Variants in UQCRB observed in about 807,000 individuals in gnomAD.
UQCRB encodes the protein cytochrome b-c1 complex subunit 7.
In UQCRB, 12 loss-of-function variants were observed where a neutral mutation model predicts 19.8. That is an observed-to-expected ratio of 0.61 (90% CI 0.39 to 0.98). The LOEUF is 0.98. Among genes scored for constraint, UQCRB ranks in the 50% least tolerant of loss-of-function variants. UQCRB has a pLI of 0.00. For synonymous variants in UQCRB, 39 were observed against 42.9 expected, an observed-to-expected ratio of 0.91 and a Z score of 0.35; for missense variants, 142 against 131.8, an observed-to-expected ratio of 1.08 and a Z score of -0.38.
chr8:96,232,411 T>C (rs1809697695), intron 2 of UQCRB: 3 of 157,280 alleles, frequency 1.9e-5, no homozygotes, highest in African/African-American at 7.2e-5. Context: ...CAAGCTTCAA[T>C]AGTAAAAGAT....
In UQCRB at chr8:96,229,908, G is replaced by A. The variant is rs1250527419; in HGVS notation, c.*1147C>T. ...GTAACACAAATTCGTTTTTCACACTGTTTTGTTATTTGAGGTAAGGCATTC... is the reference window on the plus strand; with the variant it reads ...GTAACACAAATTCGTTTTTCACACTATTTTGTTATTTGAGGTAAGGCATTC... On this transcript the variant is annotated 3_prime_UTR_variant, in exon 4 of 4. Coordinates refer to ENST00000287022, the MANE Select transcript of UQCRB (RefSeq NM_006294.5). 1.3e-5 allele frequency: 5 copies of A among 375,428 alleles called. No homozygotes were observed. The highest frequency in any genetic ancestry group is 3.2e-5 in the South Asian group (2 of 61,758). The allele number at this position is 375,428 out of a possible 1,614,324, so 23.3% of individuals were successfully genotyped here.
At chr8:96,232,136 A>C in intron 2 of UQCRB, 196 bp from the exon 3 acceptor site, 1 of 608,646 alleles carries the variant, frequency 1.6e-6, no homozygotes, top group Non-Finnish European at 2.9e-6. Context: ...TTGCCATTAA[A>C]AGTAATGAGT....
Position 96,230,819 on chromosome 8 carries a change from T to C in UQCRB, c.*236A>G. ...TGAGGAAAACTGATAAAGTGGCTTC[T>C]GAGCTCCAAGTAGCAGTTAAACACA... is the stretch of plus-strand genomic sequence containing the variant. On this transcript the variant is annotated 3_prime_UTR_variant, in exon 4 of 4. Transcript: ENST00000287022. The C allele has an allele frequency of 1.5e-6, 1 of 651,504 alleles. No individual in the cohort carries two copies. Among genetic ancestry groups the C allele is most frequent in the Non-Finnish European group, 2.9e-6 (1 of 348,502 alleles). 40.4% of individuals were successfully genotyped at this position (651,504 alleles called of 1,614,324 possible).
At chr8:96,235,398 C>T (rs879043831) in intron 1 of UQCRB, 114 bp downstream of exon 1, 1 of 1,469,614 alleles carries the variant, frequency 6.8e-7, no homozygotes, top group Non-Finnish European at 9.5e-7. Context: ...CAGCCAATTT[C>T]CCTTCCGCGA....
At chr8:96,235,179 G>A in intron 1 of UQCRB, 1 of 494,634 alleles carries the variant, frequency 2.0e-6, no homozygotes, top group Non-Finnish European at 3.7e-6. Flanking sequence ...CGGGTTGAAA[G>A]TCATCCACTA....
rs1016084734 is a variant in UQCRB, at chr8:96,224,146, G to C, written c.*6909C>G. 1.3e-5 allele frequency among the ~76,000 whole-genome samples: 2 copies of C among 152,206 alleles called. No individual in the cohort carries two copies. Among genetic ancestry groups the C allele is most frequent in the Non-Finnish European group, 2.9e-5 (2 of 68,044 alleles). On this transcript the variant is annotated 3_prime_UTR_variant, in exon 4 of 4. Transcript: ENST00000287022. ...TGTGAGTCAGAGTCCTGGCAGGAAAGTGTGGCACACCCAATCAGGCAAACC... is the reference window on the plus strand; with the variant it reads ...TGTGAGTCAGAGTCCTGGCAGGAAACTGTGGCACACCCAATCAGGCAAACC...
In UQCRB at chr8:96,227,535, G is replaced by C; in HGVS notation, c.*3520C>G. 1 of 454,074 alleles carries C rather than the reference G, an allele frequency of 2.2e-6. No individual in the cohort carries two copies. Among genetic ancestry groups the C allele is most frequent in the South Asian group, 1.6e-5 (1 of 64,474 alleles). The allele number at this position is 454,074 out of a possible 1,614,324, so 28.1% of individuals were successfully genotyped here. A position where few individuals can be genotyped will look rare whatever the true frequency, so the allele number is the denominator to read the frequency against. ...TGATACTGTCCCTCCTAAAATCCAT[G>C]CTTCCTCCCATACACCATAAACCCA... On this transcript the variant is annotated 3_prime_UTR_variant, in exon 4 of 4. Transcript: ENST00000287022.
In UQCRB at chr8:96,230,385, TA is replaced by T. The variant is rs1306756584; in HGVS notation, c.*669del. 2.3e-6 allele frequency: 1 copy of T among 441,276 alleles called. No homozygotes were observed. The highest frequency in any genetic ancestry group is 4.5e-6 in the Non-Finnish European group (1 of 221,718). 27.3% of individuals were successfully genotyped at this position (441,276 alleles called of 1,614,324 possible). A position where few individuals can be genotyped will look rare whatever the true frequency, so the allele number is the denominator to read the frequency against. ...AGCCACCATGCCTTGCCAATGATTC[TA>T]ATTTATATTTTTAAAAATTACCCTA... On this transcript the variant is annotated 3_prime_UTR_variant, in exon 4 of 4. Coordinates refer to ENST00000287022, the MANE Select transcript of UQCRB (RefSeq NM_006294.5).
chr8:96,231,774 C>T lies in UQCRB; in HGVS notation c.258G>A (p.Glu86=). 6.2e-7 allele frequency: 1 copy of T among 1,614,170 alleles called. No homozygotes were observed. The highest frequency in any genetic ancestry group is 1.1e-5 in the South Asian group (1 of 91,092). ...TGTCAGGTAGATAAAGCTGTGCTACCTCTTCATATTTGGTCCACTGCTCTT... is the reference window on the plus strand; with the variant it reads ...TGTCAGGTAGATAAAGCTGTGCTACTTCTTCATATTTGGTCCACTGCTCTT... ...LPKEQWTKYE[E]ENFYLEPYLK... is the part of the protein sequence containing the mutation. The change falls in exon 3 of 4, where the codon GAG becomes GAA. Residue 86 remains glutamate, a splice_region_variant and synonymous_variant. Transcript: ENST00000287022.
Position 96,230,720 on chromosome 8 carries a change from T to C in UQCRB, c.*335A>G, listed in dbSNP as rs1336042257. 1 of 493,876 alleles carries C rather than the reference T, an allele frequency of 2.0e-6. No individual in the cohort carries two copies. The highest frequency in any genetic ancestry group is 4.0e-6 in the Non-Finnish European group (1 of 253,088). 30.6% of individuals were successfully genotyped at this position (493,876 alleles called of 1,614,324 possible). A position where few individuals can be genotyped will look rare whatever the true frequency, so the allele number is the denominator to read the frequency against. On this transcript the variant is annotated 3_prime_UTR_variant, in exon 4 of 4. Coordinates refer to ENST00000287022, the MANE Select transcript of UQCRB (RefSeq NM_006294.5). ...CTAGGGGGTGCATACCCCCTTCTTT[T>C]ATTCAGTAGCTTCCATAAGGATGTA...
rs1337421891 is a variant in UQCRB at position 96,228,779 on chromosome 8, C to T, written c.*2276G>A. The T allele has an allele frequency of 6.6e-6, 3 of 454,070 alleles. No individual in the cohort carries two copies. The Admixed American group carries it at 7.0e-5, about 11-fold the overall frequency. The allele number at this position is 454,070 out of a possible 1,614,324, so 28.1% of individuals were successfully genotyped here. A position where few individuals can be genotyped will look rare whatever the true frequency, so the allele number is the denominator to read the frequency against. The stretch of plus-strand genomic sequence containing the variant: ...TACACAGTGAGCAAATAGATTCAGA[C>T]CTGTGCAGTCTAACCCAGAATTAGC... On this transcript the variant is annotated 3_prime_UTR_variant, in exon 4 of 4. Transcript: ENST00000287022.
chr8:96,229,020 A>T lies in UQCRB; in HGVS notation c.*2035T>A, dbSNP rs1263923058. The T allele has an allele frequency of 2.2e-6, 1 of 454,018 alleles. No individual in the cohort carries two copies. Among genetic ancestry groups the T allele is most frequent in the Non-Finnish European group, 4.4e-6 (1 of 226,796 alleles). The allele number at this position is 454,018 out of a possible 1,614,324, so 28.1% of individuals were successfully genotyped here. A position where few individuals can be genotyped will look rare whatever the true frequency, so the allele number is the denominator to read the frequency against. ...AAATTCTCACCCATTCACCTGTGTGAGCCAAATACTAGATCTACTTTCTTA... is the reference window on the plus strand; with the variant it reads ...AAATTCTCACCCATTCACCTGTGTGTGCCAAATACTAGATCTACTTTCTTA... On this transcript the variant is annotated 3_prime_UTR_variant, in exon 4 of 4. Coordinates refer to ENST00000287022, the MANE Select transcript of UQCRB (RefSeq NM_006294.5).
Position 96,229,198 on chromosome 8 carries a change from C to T in UQCRB, c.*1857G>A, listed in dbSNP as rs1333899543. 2 of 454,124 alleles carry T rather than the reference C, an allele frequency of 4.4e-6. No homozygotes were observed. The highest frequency in any genetic ancestry group is 3.1e-5 in the South Asian group (2 of 64,476). The allele number at this position is 454,124 out of a possible 1,614,324, so 28.1% of individuals were successfully genotyped here. A position where few individuals can be genotyped will look rare whatever the true frequency, so the allele number is the denominator to read the frequency against. On this transcript the variant is annotated 3_prime_UTR_variant, in exon 4 of 4. Transcript: ENST00000287022. ...GCATACACTTTGGCTTTAGGAAGAA[C>T]TCTTACAAAATCAGAGGTTGCCTTA...
In UQCRB at chr8:96,229,945, A is replaced by G. The variant is rs1412951833; in HGVS notation, c.*1110T>C. On this transcript the variant is annotated 3_prime_UTR_variant, in exon 4 of 4. Transcript: ENST00000287022. Reference sequence around the variant, plus strand: ...GAGGTAAGGCATTCCTGCCACACACAGCAATGACTTGTCCTGGAAAACCAG... The same window carrying G: ...GAGGTAAGGCATTCCTGCCACACACGGCAATGACTTGTCCTGGAAAACCAG... 6.6e-6 allele frequency: 3 copies of G among 454,172 alleles called. No homozygotes were observed. Among genetic ancestry groups the G allele is most frequent in the Non-Finnish European group, 8.8e-6 (2 of 226,808 alleles). 28.1% of individuals were successfully genotyped at this position (454,172 alleles called of 1,614,324 possible).
At chr8:96,233,930 A>C (rs897177982) in intron 1 of UQCRB, 2 of 152,700 alleles carry the variant, frequency 1.3e-5, no homozygotes, top group African/African-American at 4.8e-5. Context: ...ATATTGAAAA[A>C]GGATGAGAAA....
chr8:96,229,607 A>G lies in UQCRB; in HGVS notation c.*1448T>C. 2.2e-6 allele frequency: 1 copy of G among 454,116 alleles called. No individual in the cohort carries two copies. Among genetic ancestry groups the G allele is most frequent in the Non-Finnish European group, 4.4e-6 (1 of 226,784 alleles). The allele number at this position is 454,116 out of a possible 1,614,324, so 28.1% of individuals were successfully genotyped here. On this transcript the variant is annotated 3_prime_UTR_variant, in exon 4 of 4. Coordinates refer to ENST00000287022, the MANE Select transcript of UQCRB (RefSeq NM_006294.5). ...TTTTAAAGGGGGTTCTAGACAGCCC[A>G]TCTTCTTGGCCTCCTTCTGCAAAGT... is the stretch of plus-strand genomic sequence containing the variant.
intron 1 of UQCRB, chr8:96,233,893 G>A (rs917039460): frequency 6.6e-6 from 1 of 152,636 alleles, no homozygotes; most frequent in African/African-American, 2.4e-5. Context: ...CTCCTCCTAA[G>A]CAACTAAGTT....
intron 1 of UQCRB, chr8:96,233,514 A>AATCTTTTGT (rs1197201385): frequency 2.3e-5 from 9 of 387,188 alleles, no homozygotes; most frequent in Non-Finnish European, 3.8e-5. Flanking sequence ...GGTAAACTCA[A>AATCTTTTGT]ACACTGAATG....
Position 96,227,833 on chromosome 8 carries a change from A to G in UQCRB, c.*3222T>C, listed in dbSNP as rs1266014978. ...TAAATAACTAAATGAAATCACTACC[A>G]AAATGTACACTTTGGATTTATTAAG... On this transcript the variant is annotated 3_prime_UTR_variant, in exon 4 of 4. Transcript: ENST00000287022. 1 of 453,756 alleles carries G rather than the reference A, an allele frequency of 2.2e-6. No homozygotes were observed. The highest frequency in any genetic ancestry group is 4.4e-6 in the Non-Finnish European group (1 of 226,736). The allele number at this position is 453,756 out of a possible 1,614,324, so 28.1% of individuals were successfully genotyped here.
Sources: allele counts gnomAD v4.1 joint callset (sites outside exome capture counted in the v4.1 genomes callset), GRCh38; gene constraint gnomAD v4.1.1; transcripts MANE v1.5; gene names NCBI Gene and HGNC (gene_info 2026-07-23, HGNC 2026-07-21).